MCOLN2: variants seen among roughly 807,000 people sequenced by gnomAD.
MCOLN2 encodes mucolipin-2.
MCOLN2 carries 57 observed loss-of-function variants against 67.5 expected under a neutral mutation model. The ratio of observed to expected loss-of-function variants is 0.84; its 90% CI spans 0.68 to 1.05. The LOEUF is 1.05. Ranked by LOEUF, MCOLN2 falls within the 50% of genes least tolerant of loss-of-function variation. MCOLN2 has a pLI of 0.00. For missense variants in MCOLN2, 620 were observed against 678.8 expected, an observed-to-expected ratio of 0.91 and a Z score of 0.96; for synonymous variants, 246 against 233.3, an observed-to-expected ratio of 1.05 and a Z score of -0.50.
At chr1:84,990,609 T>G (rs79383110) in intron 1 of MCOLN2, among the ~76,000 whole-genome samples, 1 of 151,888 alleles carries the variant, frequency 6.6e-6, no homozygotes, top group East Asian at 1.9e-4. Context: ...TATAGTGAGA[T>G]CTCATTTTTC....
At chr1:84,940,457 G>A (rs1398759057) in intron 8 of MCOLN2, among the ~76,000 whole-genome samples, 1 of 152,126 alleles carries the variant, frequency 6.6e-6, no homozygotes, top group Non-Finnish European at 1.5e-5. Context: ...ACAGAATAAA[G>A]TATTTTATGC....
intron 1 of MCOLN2, among the ~76,000 whole-genome samples, chr1:84,974,625 T>A (rs1411154586): frequency 2.0e-5 from 3 of 151,956 alleles, no homozygotes; most frequent in Non-Finnish European, 4.4e-5. Flanking sequence ...CACTGAATAA[T>A]CAGCAGCGAT....
chr1:84,991,595 C>T (rs1322745181), intron 1 of MCOLN2, among the ~76,000 whole-genome samples: 6 of 152,138 alleles, frequency 3.9e-5, no homozygotes, highest in Non-Finnish European at 8.8e-5. Flanking sequence ...CCTAAGAAGC[C>T]CCCTGAAGAA....
At chr1:84,980,803 G>A (rs577789839) in intron 1 of MCOLN2, among the ~76,000 whole-genome samples, 15 of 152,136 alleles carry the variant, frequency 9.9e-5, no homozygotes, top group South Asian at 4.2e-4. Context: ...AAACATGAAC[G>A]AATGGGACCA....
At chr1:84,990,533 C>T (rs1042258736) in intron 1 of MCOLN2, among the ~76,000 whole-genome samples, 1 of 151,936 alleles carries the variant, frequency 6.6e-6, no homozygotes, top group African/African-American at 2.4e-5. Flanking sequence ...CGGCCCTATT[C>T]GTACCTTTGC....
At chr1:84,953,525 G>A (rs536694924) in intron 4 of MCOLN2, among the ~76,000 whole-genome samples, 8 of 148,994 alleles carry the variant, frequency 5.4e-5, no homozygotes, top group African/African-American at 2.0e-4. Flanking sequence ...ACTCCAGCCT[G>A]GGCGACAAGA....
Position 84,996,873 on chromosome 1 carries a change from GCCT to G in MCOLN2, c.-4_-2del. Reference sequence around the variant, plus strand: ...GAAAACGATAAGGCTGCCGGGCCATGCCTCCTCCTTCAAAACTTTCCAGGGCTC... The same window carrying G: ...GAAAACGATAAGGCTGCCGGGCCATGCCTCCTTCAAAACTTTCCAGGGCTC... On this transcript the variant is annotated 5_prime_UTR_variant, in exon 1 of 14. Coordinates refer to ENST00000370608, the MANE Select transcript of MCOLN2 (RefSeq NM_153259.4). The G allele has an allele frequency of 6.2e-7, 1 of 1,613,938 alleles. No individual in the cohort carries two copies. Among genetic ancestry groups the G allele is most frequent in the Non-Finnish European group, 8.5e-7 (1 of 1,179,832 alleles).
intron 7 of MCOLN2, among the ~76,000 whole-genome samples, chr1:84,944,533 A>G (rs576384966): frequency 1.3e-5 from 2 of 151,862 alleles, no homozygotes; most frequent in African/African-American, 4.8e-5. Context: ...CTCTGTCTCA[A>G]AAAGAAAGAA....
chr1:84,926,730 G>T lies in MCOLN2; in HGVS notation c.1665-9C>A. The T allele has an allele frequency of 6.3e-7, 1 of 1,586,910 alleles. No homozygotes were observed. The highest frequency in any genetic ancestry group is 8.6e-7 in the Non-Finnish European group (1 of 1,162,384). ...GATCATCACTTCTTTTCCTGTAACA[G>T]AAAGGGAAAGAAGAAAAGAGGAAAG... On this transcript the variant is annotated splice_polypyrimidine_tract_variant and intron_variant, in intron 13 of 13. Coordinates refer to ENST00000370608, the MANE Select transcript of MCOLN2 (RefSeq NM_153259.4).
intron 1 of MCOLN2, among the ~76,000 whole-genome samples, chr1:84,991,250 C>T (rs1010617131): frequency 2.6e-5 from 4 of 152,012 alleles, no homozygotes; most frequent in Non-Finnish European, 4.4e-5. Flanking sequence ...GTGATAGATA[C>T]GGAGACTAAA....
At position 84,929,453 on chromosome 1, in the gene MCOLN2, C is replaced by T. The variant is rs542571542; in HGVS notation, c.1664+105G>A. 4.5e-4 allele frequency: 573 copies of T among 1,273,800 alleles called. 4 individuals carry two copies. In the Middle Eastern group the frequency reaches 0.014, roughly 32 times the overall value. 78.9% of individuals were successfully genotyped at this position (1,273,800 alleles called of 1,614,324 possible). A position where few individuals can be genotyped will look rare whatever the true frequency, so the allele number is the denominator to read the frequency against. ...AAGAAAAGAAAGGTGAATTATTTCC[C>T]ATGATAAGCTGGTCTCTGAATGTAA... On this transcript the variant is annotated intron_variant, in intron 13 of 13. Transcript: ENST00000370608.
At chr1:84,939,197 G>A (rs1386522928) in intron 9 of MCOLN2, among the ~76,000 whole-genome samples, 1 of 152,122 alleles carries the variant, frequency 6.6e-6, no homozygotes, top group African/African-American at 2.4e-5. Context: ...CCCATCCGTC[G>A]GAGCACCCAA....
At chr1:84,996,686 T>C (rs1013604387) in intron 1 of MCOLN2, 110 bp downstream of exon 1, 2 of 924,624 alleles carry the variant, frequency 2.2e-6, no homozygotes, top group East Asian at 2.5e-5. Context: ...GCAGTTAATA[T>C]AAGCATTCCC....
chr1:84,951,747 C>A (rs1648482656), intron 6 of MCOLN2, among the ~76,000 whole-genome samples: 1 of 152,234 alleles, frequency 6.6e-6, no homozygotes, highest in Non-Finnish European at 1.5e-5. Context: ...TTTGCTTCAT[C>A]TTCAGAAGTA....
At chr1:84,941,757 C>T (rs1647798228) in intron 7 of MCOLN2, among the ~76,000 whole-genome samples, 1 of 152,178 alleles carries the variant, frequency 6.6e-6, no homozygotes, top group South Asian at 2.1e-4. Context: ...GCTTCTCAAC[C>T]TCACTGTGCA....
intron 7 of MCOLN2, 37 bp downstream of exon 7, chr1:84,946,996 T>C (rs1337605796): frequency 1.0e-6 from 1 of 970,140 alleles, no homozygotes; most frequent in East Asian, 2.4e-5. Flanking sequence ...TTAAAAATCA[T>C]CTATAATTCC....
intron 2 of MCOLN2, among the ~76,000 whole-genome samples, chr1:84,963,921 A>T (rs1237063479): frequency 6.6e-6 from 1 of 152,252 alleles, no homozygotes; most frequent in Non-Finnish European, 1.5e-5. Flanking sequence ...TTAGAATTTT[A>T]GTAACGTTAA....
intron 7 of MCOLN2, among the ~76,000 whole-genome samples, chr1:84,945,170 AC>A (rs2102823469): frequency 6.6e-6 from 1 of 152,180 alleles, no homozygotes; most frequent in Non-Finnish European, 1.5e-5. Context: ...AGCAAGGAAA[AC>A]CCCTAACGTT....
rs759963935 is a variant in MCOLN2 at position 84,929,651 on chromosome 1, G to C, written c.1571C>G (p.Thr524Arg). ...TTCCTTCAGGAATTCCTGCAAATCCGTTTCAGGAAACCCATTCTGTTGGAA... is the reference window on the plus strand; with the variant it reads ...TTCCTTCAGGAATTCCTGCAAATCCCTTTCAGGAAACCCATTCTGTTGGAA... ...KKFQQNGFPE[T>R]DLQEFLKECS... The change falls in exon 13 of 14, where the codon ACG becomes AGG. Residue 524 changes from threonine to arginine, a missense_variant. Physicochemically the swap from Thr to Arg is moderately conservative, Grantham distance 71. Transcript: ENST00000370608. The C allele has an allele frequency of 9.9e-6, 16 of 1,613,324 alleles. No homozygotes were observed. Among genetic ancestry groups the C allele is most frequent in the Non-Finnish European group, 1.4e-5 (16 of 1,179,526 alleles).
Sources: allele counts gnomAD v4.1 joint callset (sites outside exome capture counted in the v4.1 genomes callset), GRCh38; gene constraint gnomAD v4.1.1; transcripts MANE v1.5; gene names NCBI Gene and HGNC (gene_info 2026-07-23, HGNC 2026-07-21).